Variants in HSD17B4 observed in about 807,000 individuals in gnomAD.
HSD17B4 encodes peroxisomal multifunctional enzyme type 2.
In HSD17B4, 70 loss-of-function variants were observed where a neutral mutation model predicts 101.0. That is an observed-to-expected ratio of 0.69 (90% confidence interval 0.57 to 0.85). The LOEUF (loss-of-function observed/expected upper bound fraction) is 0.85, where lower values mean the gene tolerates loss of function less well. HSD17B4 is among the 40% of genes least tolerant of loss of function. The probability of loss-of-function intolerance (pLI) is 0.00; values close to 1 mark genes in which losing one functional copy is unlikely to be tolerated. For synonymous variants in HSD17B4, 347 were observed against 297.1 expected (o/e 1.17, Z -1.73); for missense variants, 984 against 892.4 (o/e 1.10, Z -1.31).
intron 23 of HSD17B4, among the ~76,000 whole-genome samples, chr5:119,537,875 G>C (rs146413927): frequency 6.6e-6 from 1 of 152,218 alleles, no homozygotes; most frequent in African/African-American, 2.4e-5. Context: ...AATGTGACAG[G>C]ACAGGGGAAC....
At chr5:119,509,416 T>A in intron 16 of HSD17B4, 172 bp downstream of exon 16, 1 of 697,252 alleles carries the variant, frequency 1.4e-6, no homozygotes. Context: ...CCTCCTCCTC[T>A]TCCTCCTCCT....
intron 12 of HSD17B4, among the ~76,000 whole-genome samples, chr5:119,497,208 T>G (rs995562952): frequency 1.0e-5 from 1 of 95,454 alleles, no homozygotes; most frequent in Non-Finnish European, 2.2e-5. Flanking sequence ...GTAGGCTCCA[T>G]TGGGGGGTGT....
chr5:119,530,403 A>T (rs557683816), intron 21 of HSD17B4, among the ~76,000 whole-genome samples: 2 of 152,138 alleles, frequency 1.3e-5, no homozygotes, highest in Non-Finnish European at 2.9e-5. Flanking sequence ...TGTATTATTT[A>T]TTAGCATGCT....
At chr5:119,494,345 CTTTCTTTCT>C (rs1358065874) in intron 11 of HSD17B4, among the ~76,000 whole-genome samples, 1 of 144,578 alleles carries the variant, frequency 6.9e-6, no homozygotes, top group Admixed American at 6.9e-5. Flanking sequence ...TTCTTTCTTT[CTTTCTTTCT>C]TTCTTTCTTT....
chr5:119,500,243 G>C (rs981230298), intron 13 of HSD17B4, among the ~76,000 whole-genome samples: 3 of 151,904 alleles, frequency 2.0e-5, no homozygotes, highest in Non-Finnish European at 4.4e-5. Flanking sequence ...CTGCATATGA[G>C]GGTTAGAAAA....
At chr5:119,537,402 G>T (rs1754625931) in intron 23 of HSD17B4, among the ~76,000 whole-genome samples, 1 of 151,966 alleles carries the variant, frequency 6.6e-6, no homozygotes, top group South Asian at 2.1e-4. Context: ...TGTTTACAAG[G>T]CTTATTATAA....
intron 8 of HSD17B4, among the ~76,000 whole-genome samples, chr5:119,482,346 C>T (rs557548623): frequency 1.3e-5 from 2 of 151,972 alleles, no homozygotes; most frequent in Non-Finnish European, 2.9e-5. Flanking sequence ...AAGTAACCAT[C>T]TGTTCTTGTG....
intron 17 of HSD17B4, among the ~76,000 whole-genome samples, chr5:119,519,679 TC>T (rs1413993210): frequency 6.6e-6 from 1 of 152,224 alleles, no homozygotes; most frequent in Admixed American, 6.5e-5. Context: ...AAGTCATATT[TC>T]CTGGAGTATT....
At chr5:119,500,498 G>T (rs1409023854) in intron 13 of HSD17B4, among the ~76,000 whole-genome samples, 2 of 151,992 alleles carry the variant, frequency 1.3e-5, no homozygotes, top group Admixed American at 1.3e-4. Flanking sequence ...TCAGGAGTTG[G>T]TTTTAAATAT....
intron 23 of HSD17B4, among the ~76,000 whole-genome samples, chr5:119,537,930 G>T (rs766001539): frequency 5.3e-5 from 8 of 152,066 alleles, no homozygotes; most frequent in Non-Finnish European, 1.0e-4. Context: ...GTTTTCTAAG[G>T]TACCTGAAAT....
intron 11 of HSD17B4, among the ~76,000 whole-genome samples, chr5:119,494,341 CTTT>C (rs1750420927): frequency 1.4e-5 from 2 of 144,172 alleles, no homozygotes; most frequent in Admixed American, 7.0e-5. Flanking sequence ...TTCTTTCTTT[CTTT>C]CTTTCTTTCT....
chr5:119,461,665 T>A (rs1302557773), intron 2 of HSD17B4, among the ~76,000 whole-genome samples: 6 of 149,932 alleles, frequency 4.0e-5, no homozygotes, highest in Non-Finnish European at 8.9e-5. Flanking sequence ...GAGGATTGCT[T>A]GAGGCCATGA....
At chr5:119,522,551 C>G (rs1391793645) in intron 17 of HSD17B4, among the ~76,000 whole-genome samples, 1 of 151,966 alleles carries the variant, frequency 6.6e-6, no homozygotes, top group African/African-American at 2.4e-5. Context: ...GAATATTTAC[C>G]TCTGTGCGTT....
Position 119,542,229 on chromosome 5 carries a change from T to C in HSD17B4, c.*235T>C, listed in dbSNP as rs553631151. On this transcript the variant is annotated 3_prime_UTR_variant, in exon 24 of 24. Transcript: ENST00000510025. ...TTATCCTTCTGTTCTTAGATCTGTA[T>C]CTTCATAATAAAAAATTTTGCCCAA... 5.7e-5 allele frequency: 19 copies of C among 334,872 alleles called. No individual in the cohort carries two copies. In the East Asian group the frequency reaches 9.0e-4, roughly 16 times the overall value. The allele number at this position is 334,872 out of a possible 1,614,324, so 20.7% of individuals were successfully genotyped here. A position where few individuals can be genotyped will look rare whatever the true frequency, so the allele number is the denominator to read the frequency against.
intron 22 of HSD17B4, among the ~76,000 whole-genome samples, chr5:119,532,736 ACATAAAGG>A (rs1674913179): frequency 6.6e-6 from 1 of 152,138 alleles, no homozygotes; most frequent in Non-Finnish European, 1.5e-5. Context: ...ATGAAAGATG[ACATAAAGG>A]CATAAGGGAG....
chr5:119,452,807 T>C (rs1451997836), intron 1 of HSD17B4, 174 bp downstream of exon 1: 27 of 1,538,510 alleles, frequency 1.8e-5, no homozygotes, highest in Non-Finnish European at 2.2e-5. Context: ...CGGAAACACC[T>C]GGTCTCTCAA....
chr5:119,483,037 A>G (rs753805526), intron 8 of HSD17B4, among the ~76,000 whole-genome samples: 2 of 152,052 alleles, frequency 1.3e-5, no homozygotes, highest in Non-Finnish European at 2.9e-5. Context: ...CCTTAAGTAG[A>G]ACAGAATACT....
chr5:119,476,895 A>C (rs1236875303), intron 6 of HSD17B4, among the ~76,000 whole-genome samples: 2 of 152,194 alleles, frequency 1.3e-5, no homozygotes, highest in Non-Finnish European at 2.9e-5. Context: ...CTTGACAATT[A>C]AAATCTAGAA....
intron 17 of HSD17B4, among the ~76,000 whole-genome samples, chr5:119,515,538 T>C (rs968385220): frequency 2.0e-5 from 3 of 152,184 alleles, no homozygotes; most frequent in Non-Finnish European, 4.4e-5. Context: ...GATTTAATCT[T>C]TTTTGTTTGA....
Sources: gnomAD v4.1 joint callset for allele counts (sites outside exome capture counted in the v4.1 genomes callset) on GRCh38, gnomAD v4.1.1 for gene constraint, MANE v1.5 for transcripts, NCBI Gene and HGNC (gene_info 2026-07-23, HGNC 2026-07-21) for gene names.